Variants in SIL1 observed in about 807,000 individuals in gnomAD.
SIL1 encodes the protein nucleotide exchange factor SIL1.
SIL1 carries 40 observed loss-of-function variants against 49.1 expected under a neutral mutation model. The observed-to-expected ratio is 0.81, with a 90% CI of 0.63 to 1.06. The LOEUF (loss-of-function observed/expected upper bound fraction) is 1.06, where lower values mean the gene tolerates loss of function less well. Among genes scored for constraint, SIL1 ranks in the 50% least tolerant of loss-of-function variants. SIL1 has a pLI of 0.00. For synonymous variants in SIL1, 253 were observed against 250.8 expected (o/e 1.01, Z -0.08); for missense variants, 500 against 572.6 (o/e 0.87, Z 1.29).
At chr5:139,020,837 C>G in intron 7 of SIL1, among the ~76,000 whole-genome samples, 1 of 152,194 alleles carries the variant, frequency 6.6e-6, no homozygotes. Flanking sequence ...TGTAGCTTTA[C>G]TGCCAAAAGA....
intron 1 of SIL1, among the ~76,000 whole-genome samples, chr5:139,177,772 T>C (rs1751915449): frequency 1.3e-5 from 2 of 152,224 alleles, no homozygotes; most frequent in Non-Finnish European, 2.9e-5. Flanking sequence ...AAACCTCAGT[T>C]TTCCTGGACA....
At chr5:139,121,321 G>C in intron 2 of SIL1, 148 bp from the exon 3 acceptor site, 1 of 1,127,704 alleles carries the variant, frequency 8.9e-7, no homozygotes, top group Non-Finnish European at 1.3e-6. Context: ...CCTTTCCCAA[G>C]GTCAGCCTCA....
intron 7 of SIL1, among the ~76,000 whole-genome samples, chr5:138,952,141 T>C (rs1766794563): frequency 6.6e-6 from 1 of 152,046 alleles, no homozygotes. Context: ...GGGGCTGGAG[T>C]GGGCTGGGAA....
intron 1 of SIL1, among the ~76,000 whole-genome samples, chr5:139,172,631 C>CA (rs57237412): frequency 0.5 from 54,914 of 109,020 alleles, 12,265 homozygotes; most frequent in South Asian, 0.64. Flanking sequence ...GACTCCGTCT[C>CA]AAAAAAAAAA....
At chr5:139,028,121 T>C (rs1374045480) in intron 5 of SIL1, among the ~76,000 whole-genome samples, 2 of 151,210 alleles carry the variant, frequency 1.3e-5, no homozygotes, top group African/African-American at 4.9e-5. Flanking sequence ...TGTGAGATGA[T>C]AGGCAAGTGA....
intron 3 of SIL1, 185 bp from the exon 4 acceptor site, chr5:139,051,231 A>G (rs150582682): frequency 1.6e-6 from 1 of 638,124 alleles, no homozygotes; most frequent in African/African-American, 1.8e-5. Context: ...TCACTTTGCT[A>G]ATCTATAAGG....
intron 3 of SIL1, among the ~76,000 whole-genome samples, chr5:139,101,262 A>C (rs1397286785): frequency 6.6e-6 from 1 of 152,092 alleles, no homozygotes; most frequent in Non-Finnish European, 1.5e-5. Context: ...CATTACTGCC[A>C]CTACCTCTTT....
intron 7 of SIL1, among the ~76,000 whole-genome samples, chr5:139,014,580 A>G (rs1051932042): frequency 1.3e-5 from 2 of 152,190 alleles, no homozygotes; most frequent in Non-Finnish European, 2.9e-5. Flanking sequence ...TGAAGGGACA[A>G]GTTTATTAAG....
chr5:139,026,877 T>C lies in SIL1; in HGVS notation c.569A>G (p.Asn190Ser), dbSNP rs750193554. Residue 190 changes from asparagine (N) to serine (S), a missense_variant, in exon 6 of 10, where the codon AAC becomes AGC. Asn to Ser is a conservative substitution (Grantham distance 46, BLOSUM62 1). Transcript: ENST00000394817. ...TDMQIMVRLI[N>S]KFNSSSSSLE... ...ACTGGAGCTGGAACTATTGAACTTG[T>C]TGATCAGCCGTACCATGATCTGCAT... 3.1e-6 allele frequency: 5 copies of C among 1,614,230 alleles called. No homozygotes were observed. The highest frequency in any genetic ancestry group is 1.1e-5 in the South Asian group (1 of 91,090).
intron 3 of SIL1, among the ~76,000 whole-genome samples, chr5:139,060,552 T>A (rs942397393): frequency 9.9e-5 from 15 of 151,732 alleles, no homozygotes; most frequent in African/African-American, 3.6e-4. Context: ...GTTTTTCTGG[T>A]CCATAAAACA....
At chr5:139,173,493 T>C (rs1336792421) in intron 1 of SIL1, among the ~76,000 whole-genome samples, 1 of 151,854 alleles carries the variant, frequency 6.6e-6, no homozygotes, top group Non-Finnish European at 1.5e-5. Flanking sequence ...GAGATTTCAG[T>C]GAGCCAAGAT....
chr5:139,121,086 C>T lies in SIL1; in HGVS notation c.193G>A (p.Glu65Lys), dbSNP rs1470293930. ...GTCGGGTGGAACACCTCCAGGACTT[C>T]GGCATCCAGCTCCTCCTCGGCTTTG... ...ETKAEEELDA[E>K]VLEVFHPTHE... The change falls in exon 3 of 10, where the codon GAA (glutamate) becomes AAA (lysine). Residue 65 changes from glutamate to lysine, a missense_variant. Glu to Lys is a moderately conservative substitution (Grantham distance 56, BLOSUM62 1). Transcript: ENST00000394817. The T allele has an allele frequency of 9.9e-6, 16 of 1,614,070 alleles. No homozygotes were observed. The highest frequency in any genetic ancestry group is 3.3e-4 in the Middle Eastern group (2 of 6,074).
At chr5:139,114,873 CA>C (rs200141926) in intron 3 of SIL1, among the ~76,000 whole-genome samples, 1,780 of 152,298 alleles carry the variant, frequency 0.012, 33 homozygotes, top group African/African-American at 0.04. Context: ...CAGGGTGAAA[CA>C]TCATCCAACA....
chr5:139,055,202 G>C (rs1459156824), intron 3 of SIL1, among the ~76,000 whole-genome samples: 1 of 152,148 alleles, frequency 6.6e-6, no homozygotes, highest in Non-Finnish European at 1.5e-5. Context: ...TCCTAGCCTA[G>C]AAAACCCATC....
At chr5:139,023,749 T>C (rs984082886) in intron 6 of SIL1, among the ~76,000 whole-genome samples, 1 of 152,186 alleles carries the variant, frequency 6.6e-6, no homozygotes, top group African/African-American at 2.4e-5. Context: ...TTAAAACTAG[T>C]ACTACATCAC....
chr5:138,991,239 T>C (rs1336792809), intron 7 of SIL1, among the ~76,000 whole-genome samples: 1 of 152,242 alleles, frequency 6.6e-6, no homozygotes, highest in Non-Finnish European at 1.5e-5. Flanking sequence ...GCAGCCTGGC[T>C]GAAGTAGCTG....
At chr5:139,005,454 C>CTT (rs200312457) in intron 7 of SIL1, among the ~76,000 whole-genome samples, 1 of 144,030 alleles carries the variant, frequency 6.9e-6, no homozygotes, top group Non-Finnish European at 1.5e-5. Context: ...TTTTTTCTTC[C>CTT]TTTTTTTTTT....
intron 3 of SIL1, among the ~76,000 whole-genome samples, chr5:139,108,965 T>C (rs1032624614): frequency 2.6e-4 from 40 of 152,056 alleles, no homozygotes; most frequent in Non-Finnish European, 4.9e-4. Context: ...CTTTCATTGA[T>C]ATGCATCAGC....
chr5:139,175,048 G>A (rs1032166118), intron 1 of SIL1, among the ~76,000 whole-genome samples: 1 of 150,268 alleles, frequency 6.7e-6, no homozygotes, highest in African/African-American at 2.5e-5. Flanking sequence ...TAGGCCAGGC[G>A]CAGTGGCTCA....
Sources: gnomAD v4.1 joint callset for allele counts (sites outside exome capture counted in the v4.1 genomes callset) on GRCh38, gnomAD v4.1.1 for gene constraint, MANE v1.5 for transcripts, NCBI Gene and HGNC (gene_info 2026-07-23, HGNC 2026-07-21) for gene names.